Variants in OSBPL5 observed in about 807,000 individuals in gnomAD.
The protein encoded by OSBPL5 is oxysterol binding protein like 5, also known as oxysterol-binding protein-related protein 5.
A neutral mutation model predicts 111.2 loss-of-function variants in OSBPL5; 71 were observed. That is an observed-to-expected ratio of 0.64 (90% CI 0.53 to 0.78). OSBPL5 has a LOEUF of 0.78. Ranked by LOEUF, OSBPL5 falls within the 30% of genes least tolerant of loss-of-function variation. The pLI, the probability that OSBPL5 is intolerant of heterozygous loss-of-function variation, is 0.00. For missense variants in OSBPL5, 1,210 were observed against 1,189.3 expected (o/e 1.02, Z -0.26); for synonymous variants, 549 against 513.9 (o/e 1.07, Z -0.93).
At chr11:3,131,345 G>GCATC (rs138987221) in intron 1 of OSBPL5, among the ~76,000 whole-genome samples, 7 of 150,694 alleles carry the variant, frequency 4.6e-5, no homozygotes, top group South Asian at 2.1e-4. Flanking sequence ...TCCCTTCCAG[G>GCATC]CATCCATCCA....
Position 3,121,870 on chromosome 11 carries a change from C to T in OSBPL5, c.402+127G>A. ...CCTCATGAGGAAGGAGCAGAGGCTG[C>T]AGTGATAACGGCTAGATGCAGGGAA... On this transcript the variant is annotated intron_variant, in intron 5 of 21. Transcript: ENST00000263650. This position sits in a 1 kb window ranked among gnomAD's most constrained non-coding sequence, Gnocchi z 4.3. The T allele has an allele frequency of 1.3e-6, 1 of 780,476 alleles. No homozygotes were observed. Among genetic ancestry groups the T allele is most frequent in the Non-Finnish European group, 2.1e-6 (1 of 477,654 alleles). The allele number at this position is 780,476 out of a possible 1,614,324, so 48.3% of individuals were successfully genotyped here. A position where few individuals can be genotyped will look rare whatever the true frequency, so the allele number is the denominator to read the frequency against.
intron 14 of OSBPL5, among the ~76,000 whole-genome samples, chr11:3,095,667 G>A (rs1857231383): frequency 6.6e-6 from 1 of 150,838 alleles, no homozygotes; most frequent in Non-Finnish European, 1.5e-5. Flanking sequence ...AGTCACCTTT[G>A]GAAGACAGCA....
chr11:3,162,961 C>T lies in OSBPL5; in HGVS notation c.-22+2255G>A, dbSNP rs930355561. On this transcript the variant is annotated intron_variant, in intron 1 of 21. Coordinates refer to ENST00000263650, the MANE Select transcript of OSBPL5 (RefSeq NM_020896.4). This position sits in a 1 kb window ranked among gnomAD's most constrained non-coding sequence, Gnocchi z 8.1. The stretch of plus-strand genomic sequence containing the variant: ...CCCTGCCAACCCTGCAAGTGGTGGG[C>T]ACTTCTACCCACCTGGCCCTTGGAC... 6.6e-6 allele frequency among the ~76,000 whole-genome samples: 1 copy of T among 152,068 alleles called. No individual in the cohort carries two copies. The highest frequency in any genetic ancestry group is 1.5e-5 in the Non-Finnish European group (1 of 68,018).
intron 1 of OSBPL5, among the ~76,000 whole-genome samples, chr11:3,152,233 G>A (rs921520332): frequency 6.6e-6 from 1 of 152,212 alleles, no homozygotes; most frequent in Non-Finnish European, 1.5e-5. Flanking sequence ...TCAGTGGTTC[G>A]TGTTCATGGT....
chr11:3,120,583 C>T lies in OSBPL5; in HGVS notation c.444G>A (p.Val148=), dbSNP rs780516773. ...AGATGAGCAGCACCCCCGGCTTCAGCACGCACCACAGCTTGGTCCAGCTCT... is the reference window on the plus strand; with the variant it reads ...AGATGAGCAGCACCCCCGGCTTCAGTACGCACCACAGCTTGGTCCAGCTCT... ...TLKSWTKLWC[V]LKPGVLLIYK... Residue 148 remains valine (V), a synonymous_variant, in exon 6 of 22, where the codon GTG becomes GTA. Coordinates refer to ENST00000263650, the MANE Select transcript of OSBPL5 (RefSeq NM_020896.4). 6.2e-7 allele frequency: 1 copy of T among 1,613,252 alleles called. No individual in the cohort carries two copies. The highest frequency in any genetic ancestry group is 8.5e-7 in the Non-Finnish European group (1 of 1,180,024).
intron 7 of OSBPL5, among the ~76,000 whole-genome samples, chr11:3,112,213 G>GT (rs986879427): frequency 6.6e-5 from 10 of 152,228 alleles, no homozygotes; most frequent in African/African-American, 2.4e-4. Flanking sequence ...GAGCAAAAGG[G>GT]TTTTTTCTTC....
At chr11:3,111,690 C>G (rs1406990046) in intron 7 of OSBPL5, among the ~76,000 whole-genome samples, 1 of 151,490 alleles carries the variant, frequency 6.6e-6, no homozygotes, top group Non-Finnish European at 1.5e-5. Context: ...CCCCCACACA[C>G]AATGGTGGCG....
chr11:3,145,602 G>A (rs994136636), intron 1 of OSBPL5, among the ~76,000 whole-genome samples: 9 of 152,272 alleles, frequency 5.9e-5, no homozygotes, highest in Non-Finnish European at 7.4e-5. Flanking sequence ...TCCCAGTGCC[G>A]GCTGAGACCC....
intron 19 of OSBPL5, among the ~76,000 whole-genome samples, chr11:3,091,552 G>A (rs1190939762): frequency 1.3e-5 from 2 of 152,096 alleles, no homozygotes; most frequent in Non-Finnish European, 2.9e-5. Context: ...GAGATTGGTG[G>A]GGAGAGGCTG....
intron 10 of OSBPL5, among the ~76,000 whole-genome samples, chr11:3,103,774 AGCCTCTGCAGTCCCTTCCT>A (rs1238369440): frequency 3.7e-3 from 103 of 27,814 alleles, no homozygotes; most frequent in Non-Finnish European, 7.4e-3. Context: ...GCCCCCTTCC[AGCCTCTGCAGTCCCTTCCT>A]GCCTCTGCAG....
rs914121689 is a variant in OSBPL5 at position 3,093,976 on chromosome 11, G to A, written c.1720-141C>T. 231 of 1,042,096 alleles carry A rather than the reference G, an allele frequency of 2.2e-4. 1 individual carries two copies. Among genetic ancestry groups the A allele is most frequent in the Admixed American group, 2.3e-4 (10 of 43,588 alleles). 64.6% of individuals were successfully genotyped at this position (1,042,096 alleles called of 1,614,324 possible). On this transcript the variant is annotated intron_variant, in intron 15 of 21. Coordinates refer to ENST00000263650, the MANE Select transcript of OSBPL5 (RefSeq NM_020896.4). ...GATGGACCCAACCCTCGCCAACGAG[G>A]CCTTCGGGACCCCCACGCCTCCGCT...
intron 6 of OSBPL5, 126 bp downstream of exon 6, chr11:3,120,295 T>C: frequency 8.4e-7 from 1 of 1,185,978 alleles, no homozygotes; most frequent in Non-Finnish European, 1.2e-6. Context: ...TCAGAGAAGG[T>C]GAGACACCTG....
intron 1 of OSBPL5, among the ~76,000 whole-genome samples, chr11:3,160,668 A>ACCCC (rs1491488630): frequency 1.9e-4 from 13 of 67,794 alleles, no homozygotes; most frequent in African/African-American, 6.9e-4. Flanking sequence ...TTAAATGACA[A>ACCCC]CCCTCCCCCC....
rs1206287129 is a variant in OSBPL5 at position 3,112,089 on chromosome 11, GTGTGTGTGCATA to G, written c.692-4156_692-4145del. Among the ~76,000 whole-genome samples, 317 of 116,740 alleles carry G rather than the reference GTGTGTGTGCATA, an allele frequency of 2.7e-3. 1 individual carries two copies. The highest frequency in any genetic ancestry group is 0.01 in the African/African-American group (279 of 27,742). The allele number at this position is 116,740 out of a possible 152,430, so 76.6% of individuals were successfully genotyped here. ...TGTGTGTGTGCATGTGTGTGTGCATGTGTGTGTGCATATGTGTGTGTGCATGTGTGTGTGTGC... is the reference window on the plus strand; with the variant it reads ...TGTGTGTGTGCATGTGTGTGTGCATGTGTGTGTGTGCATGTGTGTGTGTGC... On this transcript the variant is annotated intron_variant, in intron 7 of 21. Coordinates refer to ENST00000263650, the MANE Select transcript of OSBPL5 (RefSeq NM_020896.4).
At position 3,141,871 on chromosome 11, in the gene OSBPL5, T is replaced by C. The variant is rs1846130973; in HGVS notation, c.-21-12702A>G. Among the ~76,000 whole-genome samples, 1 of 149,680 alleles carries C rather than the reference T, an allele frequency of 6.7e-6. No homozygotes were observed. The highest frequency in any genetic ancestry group is 6.8e-5 in the Admixed American group (1 of 14,796). On this transcript the variant is annotated intron_variant, in intron 1 of 21. Coordinates refer to ENST00000263650, the MANE Select transcript of OSBPL5 (RefSeq NM_020896.4). The surrounding 1 kb of genome is among the most constrained non-coding windows in gnomAD (Gnocchi z 6.5). ...AGACTGCAAGAGTACAAATGCGCCA[T>C]TTTCCCACTTTCTCTCCATGTTACA...
At chr11:3,159,539 G>A (rs549732658) in intron 1 of OSBPL5, among the ~76,000 whole-genome samples, 18 of 152,346 alleles carry the variant, frequency 1.2e-4, no homozygotes, top group African/African-American at 4.3e-4. Flanking sequence ...CAGGCCAACT[G>A]CTTCCCATGG....
intron 3 of OSBPL5, among the ~76,000 whole-genome samples, chr11:3,124,360 A>G (rs142252408): frequency 6.6e-5 from 10 of 152,250 alleles, no homozygotes; most frequent in Non-Finnish European, 1.0e-4. Flanking sequence ...AGTGATAAGG[A>G]GGAGGCAGAT....
chr11:3,163,309 C>T (rs1263035425), intron 1 of OSBPL5, among the ~76,000 whole-genome samples: 2 of 152,192 alleles, frequency 1.3e-5, no homozygotes, highest in Admixed American at 6.5e-5. Context: ...CGTGTGCAGG[C>T]TTAACCACAG....
At chr11:3,125,438 T>A (rs928446790) in intron 3 of OSBPL5, among the ~76,000 whole-genome samples, 9 of 152,300 alleles carry the variant, frequency 5.9e-5, no homozygotes, top group African/African-American at 2.2e-4. Context: ...TGCACGAAGA[T>A]GTTCAATGTT....
Sources: allele counts gnomAD v4.1 joint callset (sites outside exome capture counted in the v4.1 genomes callset), GRCh38; gene constraint gnomAD v4.1.1; non-coding constraint Gnocchi (gnomAD v3.1); transcripts MANE v1.5; gene names NCBI Gene and HGNC (gene_info 2026-07-23, HGNC 2026-07-21).